Variants in EYA4 observed in about 807,000 individuals in gnomAD.
The protein encoded by EYA4 is EYA transcriptional coactivator and phosphatase 4, also known as protein phosphatase EYA4.
Under a neutral mutation model 87.9 loss-of-function variants are expected in EYA4, and 31 were observed. That is an observed-to-expected ratio of 0.35 (90% confidence interval 0.27 to 0.48). The LOEUF is 0.48. Ranked by LOEUF, EYA4 falls within the 20% of genes least tolerant of loss-of-function variation. The pLI, the probability that EYA4 is intolerant of heterozygous loss-of-function variation, is 0.99. For synonymous variants in EYA4, 263 were observed against 270.6 expected (o/e 0.97, Z 0.28); for missense variants, 678 against 761.4 (o/e 0.89, Z 1.29).
intron 3 of EYA4, among the ~76,000 whole-genome samples, chr6:133,385,391 C>CTCTG (rs1167048788): frequency 1.4e-4 from 16 of 115,336 alleles, no homozygotes; most frequent in East Asian, 5.0e-4. Context: ...TATGCTCTCT[C>CTCTG]TGTGTGTGTG....
intron 1 of EYA4, among the ~76,000 whole-genome samples, chr6:133,249,040 G>A (rs1326018111): frequency 6.6e-6 from 1 of 152,176 alleles, no homozygotes; most frequent in Non-Finnish European, 1.5e-5. Flanking sequence ...TAGCAAAGTT[G>A]TGGGTACTTG....
intron 3 of EYA4, among the ~76,000 whole-genome samples, chr6:133,440,690 T>C (rs958208094): frequency 1.3e-5 from 2 of 152,174 alleles, no homozygotes; most frequent in African/African-American, 4.8e-5. Flanking sequence ...CTGTACAAGC[T>C]AAAATTGTGA....
chr6:133,488,907 A>G (rs1796906353), intron 13 of EYA4, among the ~76,000 whole-genome samples: 1 of 152,198 alleles, frequency 6.6e-6, no homozygotes, highest in African/African-American at 2.4e-5. Context: ...ACATGACATC[A>G]CCAAACAAGG....
rs563197816 is a variant in EYA4 at position 133,415,653 on chromosome 6, A to G, written c.84-30977A>G. 5.9e-5 allele frequency among the ~76,000 whole-genome samples: 9 copies of G among 152,304 alleles called. No homozygotes were observed. The East Asian group carries it at 1.7e-3, about 29-fold the overall frequency. ...TTCTCCTATAATTTACCATCTCCTGACATAATGCACAATTTACTTAGTTAT... is the reference window on the plus strand; with the variant it reads ...TTCTCCTATAATTTACCATCTCCTGGCATAATGCACAATTTACTTAGTTAT... On this transcript the variant is annotated intron_variant, in intron 3 of 19. Transcript: ENST00000355286.
At chr6:133,383,695 G>C (rs573491873) in intron 3 of EYA4, among the ~76,000 whole-genome samples, 3 of 151,934 alleles carry the variant, frequency 2.0e-5, no homozygotes, top group Non-Finnish European at 4.4e-5. Context: ...ATTGCATATG[G>C]ATTTTCCCTT....
chr6:133,479,157 T>A (rs528535250), intron 11 of EYA4, among the ~76,000 whole-genome samples: 22 of 152,328 alleles, frequency 1.4e-4, no homozygotes, highest in African/African-American at 5.3e-4. Flanking sequence ...AGGAAAATTC[T>A]GTTTCAAAAA....
intron 3 of EYA4, among the ~76,000 whole-genome samples, chr6:133,410,983 C>T (rs1290110079): frequency 6.6e-6 from 1 of 151,652 alleles, no homozygotes; most frequent in Non-Finnish European, 1.5e-5. Context: ...CGCCTGACCC[C>T]AGCCTACCCC....
At chr6:133,520,508 A>AT (rs1448164245) in intron 17 of EYA4, among the ~76,000 whole-genome samples, 1 of 123,954 alleles carries the variant, frequency 8.1e-6, no homozygotes, top group Non-Finnish European at 1.7e-5. Context: ...ATGGAAGAAC[A>AT]TTCCATGCTC....
chr6:133,413,639 C>T (rs1409510206), intron 3 of EYA4, among the ~76,000 whole-genome samples: 1 of 152,062 alleles, frequency 6.6e-6, no homozygotes, highest in East Asian at 1.9e-4. Context: ...TCCCAGTGTT[C>T]TATCACTTGT....
rs1562257654 is a variant in EYA4, at chr6:133,294,055, AT to A, written c.33+19243del. Among the ~76,000 whole-genome samples, 16 of 129,576 alleles carry A rather than the reference AT, an allele frequency of 1.2e-4. 3 individuals are homozygous for A. The highest frequency in any genetic ancestry group is 1.5e-4 in the Admixed American group (2 of 12,938). 85.0% of individuals were successfully genotyped at this position (129,576 alleles called of 152,430 possible). A position where few individuals can be genotyped will look rare whatever the true frequency, so the allele number is the denominator to read the frequency against. ...TATATATATATATATATATATATAT[AT>A]ATATATAATTCTATTCTATATATAA... On this transcript the variant is annotated intron_variant, in intron 2 of 19. Coordinates refer to ENST00000355286, the MANE Select transcript of EYA4 (RefSeq NM_004100.5).
intron 2 of EYA4, among the ~76,000 whole-genome samples, chr6:133,280,789 A>G (rs1391845722): frequency 1.3e-5 from 2 of 152,216 alleles, no homozygotes; most frequent in Non-Finnish European, 2.9e-5. Context: ...ATAGAGTTGT[A>G]CAATTATTAC....
chr6:133,486,355 T>C (rs1440623246), intron 13 of EYA4, among the ~76,000 whole-genome samples: 3 of 150,906 alleles, frequency 2.0e-5, no homozygotes, highest in Non-Finnish European at 2.9e-5. Context: ...TATGAAGCTA[T>C]GGACCACAGA....
chr6:133,496,767 A>G (rs1797680313), intron 13 of EYA4, among the ~76,000 whole-genome samples: 1 of 152,212 alleles, frequency 6.6e-6, no homozygotes, highest in Non-Finnish European at 1.5e-5. Context: ...GAAAACTATC[A>G]TCTACCTCCT....
intron 3 of EYA4, among the ~76,000 whole-genome samples, chr6:133,438,687 C>T (rs1791947760): frequency 6.6e-6 from 1 of 151,938 alleles, no homozygotes; most frequent in Non-Finnish European, 1.5e-5. Flanking sequence ...ACTCAGCAAT[C>T]CTAACACCTG....
chr6:133,292,749 T>C (rs186671737), intron 2 of EYA4, among the ~76,000 whole-genome samples: 33 of 152,358 alleles, frequency 2.2e-4, no homozygotes, highest in African/African-American at 7.7e-4. Context: ...CTCAGATGTC[T>C]AGATGCATAT....
intron 3 of EYA4, among the ~76,000 whole-genome samples, chr6:133,399,141 C>T (rs1788049000): frequency 6.6e-6 from 1 of 152,112 alleles, no homozygotes; most frequent in African/African-American, 2.4e-5. Context: ...AATCAGCCTG[C>T]TTAGCTAGTG....
intron 3 of EYA4, among the ~76,000 whole-genome samples, chr6:133,391,004 C>G (rs980181277): frequency 1.3e-5 from 2 of 152,076 alleles, no homozygotes; most frequent in Admixed American, 6.5e-5. Context: ...AACCCAGGAG[C>G]TGAAATTGAA....
At chr6:133,262,879 A>G (rs552235340) in intron 1 of EYA4, among the ~76,000 whole-genome samples, 1 of 152,302 alleles carries the variant, frequency 6.6e-6, no homozygotes, top group South Asian at 2.1e-4. Context: ...GCTCATTACT[A>G]TTCATCCAGA....
rs184326666 is a variant in EYA4 at position 133,267,468 on chromosome 6, C to T, written c.-65-7248C>T. Among the ~76,000 whole-genome samples, 1,472 of 152,002 alleles carry T rather than the reference C, an allele frequency of 9.7e-3. 13 individuals carry two copies. Among genetic ancestry groups the T allele is most frequent in the Middle Eastern group, 0.02 (6 of 294 alleles). ...CATGATCTTGGCACACTGCAACCTC[C>T]GCCTCCTGGGTTCAAGCGATTCTCC... is the stretch of plus-strand genomic sequence containing the variant. On this transcript the variant is annotated intron_variant, in intron 1 of 19. Transcript: ENST00000355286.
Sources: gnomAD v4.1 joint callset for allele counts (sites outside exome capture counted in the v4.1 genomes callset) on GRCh38, gnomAD v4.1.1 for gene constraint, MANE v1.5 for transcripts, NCBI Gene and HGNC (gene_info 2026-07-23, HGNC 2026-07-21) for gene names.